ACSS3: variants seen among roughly 807,000 people sequenced by gnomAD.
ACSS3 encodes the protein acyl-CoA synthetase short-chain family member 3, mitochondrial.
A neutral mutation model predicts 84.2 loss-of-function variants in ACSS3; 64 were observed. That is an observed-to-expected ratio of 0.76 (90% CI 0.62 to 0.94). The LOEUF (loss-of-function observed/expected upper bound fraction) is 0.94. ACSS3 is among the 40% of genes least tolerant of loss of function. ACSS3 has a pLI of 0.00. For missense variants in ACSS3, 815 were observed against 867.6 expected (o/e 0.94, Z 0.76); for synonymous variants, 317 against 310.1 (o/e 1.02, Z -0.23).
At chr12:81,086,940 G>A (rs1465484071) in intron 1 of ACSS3, among the ~76,000 whole-genome samples, 1 of 152,112 alleles carries the variant, frequency 6.6e-6, no homozygotes, top group Non-Finnish European at 1.5e-5. Context: ...AAACTACGTG[G>A]ATAGGGAACT....
chr12:81,139,828 G>A (rs958985532), intron 4 of ACSS3, among the ~76,000 whole-genome samples: 3 of 151,560 alleles, frequency 2.0e-5, no homozygotes, highest in African/African-American at 7.3e-5. Flanking sequence ...GTAGAGACGG[G>A]GTTTCACCGT....
chr12:81,192,197 T>C (rs2031603122), intron 8 of ACSS3, among the ~76,000 whole-genome samples: 1 of 151,526 alleles, frequency 6.6e-6, no homozygotes, highest in African/African-American at 2.4e-5. Context: ...CTGGCCAACA[T>C]AGTGAAACCC....
chr12:81,084,083 T>C (rs900612427), intron 1 of ACSS3, among the ~76,000 whole-genome samples: 1 of 152,156 alleles, frequency 6.6e-6, no homozygotes, highest in African/African-American at 2.4e-5. Flanking sequence ...CATGTGCTTG[T>C]TTGTTATTCA....
At chr12:81,248,055 C>T (rs2034039932) in intron 13 of ACSS3, among the ~76,000 whole-genome samples, 1 of 152,000 alleles carries the variant, frequency 6.6e-6, no homozygotes, top group Non-Finnish European at 1.5e-5. Flanking sequence ...GTTAGAAAGT[C>T]ATTCATGCTT....
chr12:81,183,576 A>T (rs1040557757), intron 8 of ACSS3, among the ~76,000 whole-genome samples: 1 of 152,122 alleles, frequency 6.6e-6, no homozygotes, highest in African/African-American at 2.4e-5. Flanking sequence ...TTAAGGACAC[A>T]TGAAGGCTGA....
intron 8 of ACSS3, among the ~76,000 whole-genome samples, chr12:81,192,078 G>A (rs1010032224): frequency 2.6e-5 from 4 of 152,008 alleles, no homozygotes; most frequent in African/African-American, 9.7e-5. Flanking sequence ...TTATATCACT[G>A]TTATAAGAAA....
chr12:81,191,197 G>C (rs2031552453), intron 8 of ACSS3, among the ~76,000 whole-genome samples: 1 of 151,936 alleles, frequency 6.6e-6, no homozygotes, highest in Non-Finnish European at 1.5e-5. Context: ...TTATCATCCA[G>C]AATCCATAAT....
chr12:81,225,494 C>G (rs2033243657), intron 11 of ACSS3, among the ~76,000 whole-genome samples: 2 of 151,902 alleles, frequency 1.3e-5, no homozygotes, highest in South Asian at 4.1e-4. Flanking sequence ...GACAAACACA[C>G]ATGCTATTTC....
At chr12:81,092,826 C>T (rs1881756398) in intron 1 of ACSS3, among the ~76,000 whole-genome samples, 1 of 151,854 alleles carries the variant, frequency 6.6e-6, no homozygotes, top group South Asian at 2.1e-4. Context: ...GGGTAATTGA[C>T]AAAAATATAA....
chr12:81,233,186 A>G (rs751627909), intron 12 of ACSS3, among the ~76,000 whole-genome samples, 163 bp from the exon 13 acceptor site: 2 of 151,836 alleles, frequency 1.3e-5, no homozygotes, highest in Non-Finnish European at 2.9e-5. Flanking sequence ...ATTCTAGTAC[A>G]GTTTCCAGAT....
At chr12:81,104,097 T>G (rs1298138158) in intron 1 of ACSS3, among the ~76,000 whole-genome samples, 1 of 152,184 alleles carries the variant, frequency 6.6e-6, no homozygotes, top group East Asian at 1.9e-4. Context: ...CCTAGGATGT[T>G]GTATATCAAA....
intron 8 of ACSS3, among the ~76,000 whole-genome samples, chr12:81,195,161 A>G (rs2031766318): frequency 6.6e-6 from 1 of 152,024 alleles, no homozygotes; most frequent in Non-Finnish European, 1.5e-5. Context: ...GGATCAGCCA[A>G]ACCTATCATT....
At chr12:81,197,676 T>C (rs1405496725) in intron 8 of ACSS3, among the ~76,000 whole-genome samples, 1 of 152,176 alleles carries the variant, frequency 6.6e-6, no homozygotes, top group East Asian at 1.9e-4. Context: ...CTATCATCCT[T>C]CAGAACAGAC....
chr12:81,150,476 A>G (rs1886557226), intron 5 of ACSS3, among the ~76,000 whole-genome samples: 2 of 152,240 alleles, frequency 1.3e-5, no homozygotes, highest in South Asian at 4.1e-4. Flanking sequence ...AGGATAGGAT[A>G]CAGTGGAAAA....
intron 9 of ACSS3, among the ~76,000 whole-genome samples, chr12:81,204,208 A>T (rs1378800735): frequency 1.3e-5 from 2 of 152,114 alleles, no homozygotes; most frequent in East Asian, 1.9e-4. Flanking sequence ...TACAAAAAAA[A>T]GATTTGTTAA....
At chr12:81,145,611 A>G (rs1162550765) in intron 5 of ACSS3, among the ~76,000 whole-genome samples, 1 of 152,226 alleles carries the variant, frequency 6.6e-6, no homozygotes, top group Non-Finnish European at 1.5e-5. Context: ...AGCATGCTTA[A>G]CAGGGAGGAA....
At position 81,175,937 on chromosome 12, in the gene ACSS3, G is replaced by C. The variant is rs527692453; in HGVS notation, c.1250+998G>C. On this transcript the variant is annotated intron_variant, in intron 8 of 15. Coordinates refer to ENST00000548058, the MANE Select transcript of ACSS3 (RefSeq NM_024560.4). ...AATTAACAATGTAATGTCACACCCC[G>C]AGGAACTAGAAAAACCAGAGCGGAC... 2.6e-5 allele frequency among the ~76,000 whole-genome samples: 4 copies of C among 152,116 alleles called. No individual in the cohort carries two copies. The East Asian group carries it at 7.7e-4, about 29-fold the overall frequency.
At chr12:81,132,991 G>C (rs1050356522) in intron 2 of ACSS3, among the ~76,000 whole-genome samples, 1 of 151,982 alleles carries the variant, frequency 6.6e-6, no homozygotes, top group Non-Finnish European at 1.5e-5. Context: ...TATAATTCAA[G>C]TTCATGATTT....
Position 81,220,049 on chromosome 12 carries a change from C to T in ACSS3, c.1487C>T (p.Ala496Val), listed in dbSNP as rs576027755. The T allele has an allele frequency of 3.9e-6, 6 of 1,539,914 alleles. No homozygotes were observed. The South Asian group carries it at 6.6e-5, about 17-fold the overall frequency. ...ILDDNMQKLK[A>V]RCLGNIVVKL... ...GATGACAACATGCAAAAACTGAAGGCTCGGTGTTTAGGAAATATTGTGGTA... is the reference window on the plus strand; with the variant it reads ...GATGACAACATGCAAAAACTGAAGGTTCGGTGTTTAGGAAATATTGTGGTA... Residue 496 changes from alanine to valine, a missense_variant, in exon 11 of 16, where the codon GCT becomes GTT. Coordinates refer to ENST00000548058, the MANE Select transcript of ACSS3 (RefSeq NM_024560.4).
Sources: gnomAD v4.1 joint callset for allele counts (sites outside exome capture counted in the v4.1 genomes callset) on GRCh38, gnomAD v4.1.1 for gene constraint, MANE v1.5 for transcripts, NCBI Gene and HGNC (gene_info 2026-07-23, HGNC 2026-07-21) for gene names.